GALNT18: variants seen among roughly 807,000 people sequenced by gnomAD.
GALNT18 encodes GalNAc-transferase 18.
Under a neutral mutation model 69.5 loss-of-function variants are expected in GALNT18, and 44 were observed. The ratio of observed to expected loss-of-function variants is 0.63; its 90% confidence interval spans 0.50 to 0.81. GALNT18 has a LOEUF of 0.81. Ranked by LOEUF, GALNT18 falls within the 40% of genes least tolerant of loss-of-function variation. The probability of loss-of-function intolerance (pLI) is 0.00; values close to 1 mark genes in which losing one functional copy is unlikely to be tolerated. For synonymous variants in GALNT18, 364 were observed against 318.2 expected (o/e 1.14, Z -1.53); for missense variants, 715 against 810.0 (o/e 0.88, Z 1.42).
chr11:11,452,457 C>T (rs1855823313), intron 1 of GALNT18, among the ~76,000 whole-genome samples: 1 of 152,254 alleles, frequency 6.6e-6, no homozygotes, highest in Non-Finnish European at 1.5e-5. Flanking sequence ...AAGCCCACAG[C>T]CCTATCGGGC....
intron 1 of GALNT18, among the ~76,000 whole-genome samples, chr11:11,551,163 A>T (rs1401970558): frequency 3.9e-5 from 6 of 152,052 alleles, no homozygotes; most frequent in African/African-American, 1.2e-4. Flanking sequence ...CACTTTATTT[A>T]TATAAAGAAT....
intron 1 of GALNT18, among the ~76,000 whole-genome samples, chr11:11,549,374 C>T (rs947057145): frequency 6.6e-6 from 1 of 152,236 alleles, no homozygotes; most frequent in Non-Finnish European, 1.5e-5. Flanking sequence ...CTAATTCTAA[C>T]TGATACGGCA....
At chr11:11,293,303 G>C (rs1353530503) in intron 9 of GALNT18, 110 bp from the exon 10 acceptor site, 4 of 836,982 alleles carry the variant, frequency 4.8e-6, no homozygotes, top group African/African-American at 1.8e-5. Flanking sequence ...AGTTAGGGAA[G>C]ACCCCGGAGT....
Position 11,595,999 on chromosome 11 carries a change from T to G in GALNT18, c.235+25360A>C, listed in dbSNP as rs1859490263. On this transcript the variant is annotated intron_variant, in intron 1 of 10. Coordinates refer to ENST00000227756, the MANE Select transcript of GALNT18 (RefSeq NM_198516.3). This position sits in a 1 kb window ranked among gnomAD's most constrained non-coding sequence, Gnocchi z 5.2. The stretch of plus-strand genomic sequence containing the variant: ...ACAAAGATTTAGGTTTGTCTTCTTC[T>G]AAGAGTTCTATGATTTTATCTCTTA... Among the ~76,000 whole-genome samples, 1 of 152,250 alleles carries G rather than the reference T, an allele frequency of 6.6e-6. No individual in the cohort carries two copies. Among genetic ancestry groups the G allele is most frequent in the Non-Finnish European group, 1.5e-5 (1 of 68,028 alleles).
intron 9 of GALNT18, among the ~76,000 whole-genome samples, chr11:11,325,402 G>C (rs570941391): frequency 9.9e-5 from 15 of 152,194 alleles, no homozygotes; most frequent in African/African-American, 3.4e-4. Flanking sequence ...AGTACATACT[G>C]GGTACAGTGT....
At position 11,404,275 on chromosome 11, in the gene GALNT18, C is replaced by T. The variant is rs1056793505; in HGVS notation, c.596-25011G>A. Among the ~76,000 whole-genome samples the T allele has an allele frequency of 9.2e-5, 14 of 152,204 alleles. No individual in the cohort carries two copies. Among genetic ancestry groups the T allele is most frequent in the African/African-American group, 3.4e-4 (14 of 41,448 alleles). On this transcript the variant is annotated intron_variant, in intron 3 of 10. Transcript: ENST00000227756. The surrounding 1 kb of genome is among the most constrained non-coding windows in gnomAD (Gnocchi z 4.5). ...CTGAATTCCCCAGGGGAGCCCTGGG[C>T]TTCAGTGCCAATGCCTCTGCCTCAC...
chr11:11,303,924 C>A (rs1849537013), intron 9 of GALNT18, among the ~76,000 whole-genome samples: 1 of 152,220 alleles, frequency 6.6e-6, no homozygotes, highest in Non-Finnish European at 1.5e-5. Context: ...CTAGCACACA[C>A]CCCTTGGAGG....
In GALNT18 at chr11:11,542,388, C is replaced by A. The variant is rs1857949709; in HGVS notation, c.235+78971G>T. Reference sequence around the variant, plus strand: ...CAGATCACTCCTACTTCCATGTTGTCTACATGTTTCTTTATATATCTGTCT... The same window carrying A: ...CAGATCACTCCTACTTCCATGTTGTATACATGTTTCTTTATATATCTGTCT... On this transcript the variant is annotated intron_variant, in intron 1 of 10. Coordinates refer to ENST00000227756, the MANE Select transcript of GALNT18 (RefSeq NM_198516.3). The surrounding 1 kb of genome is among the most constrained non-coding windows in gnomAD (Gnocchi z 4.3). Among the ~76,000 whole-genome samples, 1 of 152,214 alleles carries A rather than the reference C, an allele frequency of 6.6e-6. No homozygotes were observed. The highest frequency in any genetic ancestry group is 2.4e-5 in the African/African-American group (1 of 41,452).
chr11:11,604,388 C>T lies in GALNT18; in HGVS notation c.235+16971G>A, dbSNP rs769908227. ...CAGAATCAGTGAAGTGAGGCAGGCTCACTATTCAGGTAGCCCATTCCTGAT... is the reference window on the plus strand; with the variant it reads ...CAGAATCAGTGAAGTGAGGCAGGCTTACTATTCAGGTAGCCCATTCCTGAT... On this transcript the variant is annotated intron_variant, in intron 1 of 10. Transcript: ENST00000227756. The surrounding 1 kb of genome is among the most constrained non-coding windows in gnomAD (Gnocchi z 5.6). Among the ~76,000 whole-genome samples the T allele has an allele frequency of 6.6e-6, 1 of 152,176 alleles. No homozygotes were observed. Among genetic ancestry groups the T allele is most frequent in the Non-Finnish European group, 1.5e-5 (1 of 68,034 alleles).
chr11:11,339,078 T>C lies in GALNT18; in HGVS notation c.1278+1741A>G, dbSNP rs537990065. 1.3e-5 allele frequency among the ~76,000 whole-genome samples: 2 copies of C among 152,266 alleles called. No homozygotes were observed. Among genetic ancestry groups the C allele is most frequent in the East Asian group, 1.9e-4 (1 of 5,174 alleles). On this transcript the variant is annotated intron_variant, in intron 7 of 10. Transcript: ENST00000227756. This position sits in a 1 kb window ranked among gnomAD's most constrained non-coding sequence, Gnocchi z 5.2. ...AGAAGGATTGGGAGATGAAGAAATA[T>C]TGACTCTGTACAAGTTTGATAAGAG...
At chr11:11,578,344 A>C (rs1367368875) in intron 1 of GALNT18, among the ~76,000 whole-genome samples, 2 of 151,588 alleles carry the variant, frequency 1.3e-5, no homozygotes, top group African/African-American at 4.9e-5. Context: ...AAAAAAAAAA[A>C]AAAACTCAAT....
intron 1 of GALNT18, among the ~76,000 whole-genome samples, chr11:11,569,674 C>A (rs1227616681): frequency 6.6e-6 from 1 of 152,192 alleles, no homozygotes; most frequent in African/African-American, 2.4e-5. Flanking sequence ...AATGGCTGAA[C>A]AATACCCAAT....
intron 1 of GALNT18, among the ~76,000 whole-genome samples, chr11:11,578,697 C>T (rs566835536): frequency 8.5e-5 from 13 of 152,388 alleles, no homozygotes; most frequent in African/African-American, 2.4e-4. Flanking sequence ...TCGCAGCAGC[C>T]GGGCCTCCTG....
At position 11,380,887 on chromosome 11, in the gene GALNT18, A is replaced by G. The variant is rs80307467; in HGVS notation, c.596-1623T>C. ...TCCAGCTTCTGCAAAAGTGATGAGC[A>G]TATGGCCTTTCTTGTCATTCAAGTG... is the stretch of plus-strand genomic sequence containing the variant. On this transcript the variant is annotated intron_variant, in intron 3 of 10. Coordinates refer to ENST00000227756, the MANE Select transcript of GALNT18 (RefSeq NM_198516.3). Among the ~76,000 whole-genome samples, 248 of 152,362 alleles carry G rather than the reference A, an allele frequency of 1.6e-3. 2 individuals carry two copies. The highest frequency in any genetic ancestry group is 5.8e-3 in the African/African-American group (240 of 41,592).
At chr11:11,388,531 T>A (rs1018225194) in intron 3 of GALNT18, among the ~76,000 whole-genome samples, 1 of 152,234 alleles carries the variant, frequency 6.6e-6, no homozygotes, top group Non-Finnish European at 1.5e-5. Flanking sequence ...TGAGTTCTAA[T>A]GTTTGCCACT....
chr11:11,351,634 C>T (rs1850404388), intron 6 of GALNT18, among the ~76,000 whole-genome samples: 1 of 152,160 alleles, frequency 6.6e-6, no homozygotes, highest in African/African-American at 2.4e-5. Context: ...GTCCCATTGA[C>T]ACCTGCGCTA....
At position 11,352,076 on chromosome 11, in the gene GALNT18, G is replaced by A. The variant is rs556564067; in HGVS notation, c.1093-11072C>T. On this transcript the variant is annotated intron_variant, in intron 6 of 10. Transcript: ENST00000227756. ...AAGAAATCCCTGACATCACATTGGC[G>A]CTGCTGACGGGCGTACTGCCCCCTG... 2.5e-4 allele frequency: 411 copies of A among 1,613,756 alleles called. No individual in the cohort carries two copies. The African/African-American group carries it at 4.2e-3, about 17-fold the overall frequency.
Position 11,513,596 on chromosome 11 carries a change from A to G in GALNT18, c.236-64660T>C, listed in dbSNP as rs545793217. On this transcript the variant is annotated intron_variant, in intron 1 of 10. Transcript: ENST00000227756. ...CCCCATACCTCTGCATTATGATTGA[A>G]CTTTGTCTTCTCTGCCAAGCCTCAA... 2.0e-5 allele frequency among the ~76,000 whole-genome samples: 3 copies of G among 152,276 alleles called. No homozygotes were observed. In the South Asian group the frequency reaches 6.2e-4, roughly 32 times the overall value.
rs201041082 is a variant in GALNT18, at chr11:11,332,673, C to T, written c.1416+21G>A. The T allele has an allele frequency of 3.4e-5, 55 of 1,613,130 alleles. No individual in the cohort carries two copies. Among genetic ancestry groups the T allele is most frequent in the African/African-American group, 6.7e-5 (5 of 75,002 alleles). ...TTTCTGTCTGTGTCTGAATGAAACC[C>T]GGAGGAGGCCAGCTCCTTACCACTC... On this transcript the variant is annotated intron_variant, in intron 8 of 10. Transcript: ENST00000227756. This position sits in a 1 kb window ranked among gnomAD's most constrained non-coding sequence, Gnocchi z 4.3.
Sources: gnomAD v4.1 joint callset for allele counts (sites outside exome capture counted in the v4.1 genomes callset) on GRCh38, gnomAD v4.1.1 for gene constraint, Gnocchi (gnomAD v3.1) non-coding constraint, MANE v1.5 for transcripts, NCBI Gene and HGNC (gene_info 2026-07-23, HGNC 2026-07-21) for gene names.